CSGALNACT1: variants seen among roughly 807,000 people sequenced by gnomAD.
CSGALNACT1 encodes chondroitin sulfate N-acetylgalactosaminyltransferase 1, also known as beta4GalNAcT-1.
CSGALNACT1 carries 52 observed loss-of-function variants against 51.0 expected under a neutral mutation model. The observed-to-expected ratio is 1.02, with a 90% CI of 0.82 to 1.29. The LOEUF (loss-of-function observed/expected upper bound fraction) is 1.29, where lower values mean the gene tolerates loss of function less well. Ranked by LOEUF, CSGALNACT1 falls within the 50% of genes most tolerant of loss-of-function variation. The probability of loss-of-function intolerance (pLI) is 0.00; values close to 1 mark genes in which losing one functional copy is unlikely to be tolerated. For missense variants in CSGALNACT1, 935 were observed against 679.2 expected (o/e 1.38, Z -4.19); for synonymous variants, 341 against 254.4 (o/e 1.34, Z -3.24).
At chr8:19,485,467 T>C (rs1032831954) in intron 4 of CSGALNACT1, among the ~76,000 whole-genome samples, 2 of 152,128 alleles carry the variant, frequency 1.3e-5, no homozygotes, top group African/African-American at 4.8e-5. Flanking sequence ...CCCTGGAAGC[T>C]GAATTCAGGG....
chr8:19,635,528 A>T (rs1387606223), intron 1 of CSGALNACT1, among the ~76,000 whole-genome samples: 3 of 151,976 alleles, frequency 2.0e-5, no homozygotes, highest in Admixed American at 2.0e-4. Flanking sequence ...TCTGTGTCCA[A>T]CTTCCTTGTT....
chr8:19,664,591 A>C (rs1282650042), intron 1 of CSGALNACT1, among the ~76,000 whole-genome samples: 1 of 152,180 alleles, frequency 6.6e-6, no homozygotes, highest in Non-Finnish European at 1.5e-5. Flanking sequence ...GTATTCACCA[A>C]CGTATGCTTA....
At chr8:19,662,830 C>A (rs1201964962) in intron 1 of CSGALNACT1, among the ~76,000 whole-genome samples, 1 of 152,202 alleles carries the variant, frequency 6.6e-6, no homozygotes, top group Admixed American at 6.5e-5. Context: ...GGGGCACTAG[C>A]ACAGCTGTCC....
At position 19,656,520 on chromosome 8, in the gene CSGALNACT1, A is replaced by G. The variant is rs796642406; in HGVS notation, c.-544+25953T>C. Among the ~76,000 whole-genome samples, 8 of 152,028 alleles carry G rather than the reference A, an allele frequency of 5.3e-5. 1 individual carries two copies. The highest frequency in any genetic ancestry group is 1.9e-4 in the African/African-American group (8 of 41,452). Reference sequence around the variant, plus strand: ...CACAGGTAAATATTCAGGAAACTGAATTTACACTTAAAACACACACGTGTA... The same window carrying G: ...CACAGGTAAATATTCAGGAAACTGAGTTTACACTTAAAACACACACGTGTA... On this transcript the variant is annotated intron_variant, in intron 1 of 9. Coordinates refer to the CSGALNACT1 transcript ENST00000332246.
At chr8:19,581,456 A>G (rs2045552704) in intron 3 of CSGALNACT1, among the ~76,000 whole-genome samples, 1 of 152,228 alleles carries the variant, frequency 6.6e-6, no homozygotes, top group South Asian at 2.1e-4. Context: ...CAACATATTA[A>G]TTGTGAAACA....
chr8:19,748,889 C>T (rs965007089), intron 1 of CSGALNACT1, among the ~76,000 whole-genome samples: 4 of 151,486 alleles, frequency 2.6e-5, no homozygotes, highest in Non-Finnish European at 5.9e-5. Flanking sequence ...CGCTTGAACC[C>T]GGGAGGCAGA....
At chr8:19,610,870 C>T (rs2052153854) in intron 1 of CSGALNACT1, among the ~76,000 whole-genome samples, 1 of 152,222 alleles carries the variant, frequency 6.6e-6, no homozygotes, top group African/African-American at 2.4e-5. Context: ...TAACACAAGC[C>T]GCCTACAGAC....
intron 3 of CSGALNACT1, among the ~76,000 whole-genome samples, chr8:19,570,624 G>A (rs991503264): frequency 1.5e-4 from 23 of 152,284 alleles, no homozygotes; most frequent in Middle Eastern, 3.4e-3. Flanking sequence ...TGTACAGGCC[G>A]GGTTTGGCGG....
chr8:19,469,188 G>A (rs1012811973), intron 4 of CSGALNACT1, among the ~76,000 whole-genome samples: 8 of 152,104 alleles, frequency 5.3e-5, no homozygotes, highest in East Asian at 1.9e-4. Flanking sequence ...CCAAGAGTTC[G>A]AGAGCAGTCT....
chr8:19,649,818 G>GAAAAAAAAAAAAAAAAA (rs1564347327), intron 1 of CSGALNACT1, among the ~76,000 whole-genome samples: 3 of 1,554 alleles, frequency 1.9e-3, no homozygotes, highest in African/African-American at 6.4e-3. Flanking sequence ...ATTCCAAGTA[G>GAAAAAAAAAAAAAAAAA]CAAAAAAAAA....
rs2064703003 is a variant in CSGALNACT1 at position 19,458,755 on chromosome 8, T to C, written c.635-113A>G. ...TTTAAAAAGTGTTTAAGATGAAATC[T>C]CTCCAACAATTATTCGAAAATTCAA... On this transcript the variant is annotated intron_variant, in intron 4 of 9. Coordinates refer to ENST00000454498, the Ensembl canonical transcript of CSGALNACT1. The C allele has an allele frequency of 3.1e-6, 3 of 983,040 alleles. No homozygotes were observed. In the South Asian group the frequency reaches 4.2e-5, roughly 14 times the overall value. The allele number at this position is 983,040 out of a possible 1,614,324, so 60.9% of individuals were successfully genotyped here. A position where few individuals can be genotyped will look rare whatever the true frequency, so the allele number is the denominator to read the frequency against.
chr8:19,710,675 A>G (rs887452422), intron 1 of CSGALNACT1, among the ~76,000 whole-genome samples: 1 of 152,218 alleles, frequency 6.6e-6, no homozygotes, highest in Non-Finnish European at 1.5e-5. Flanking sequence ...ACATGTTTGA[A>G]GGGTAAAAAT....
chr8:19,732,888 G>C (rs890338342), intron 1 of CSGALNACT1, among the ~76,000 whole-genome samples: 1 of 152,152 alleles, frequency 6.6e-6, no homozygotes, highest in African/African-American at 2.4e-5. Flanking sequence ...GATGATAATG[G>C]ATATGTTGTT....
chr8:19,667,233 A>C (rs1232547309), intron 1 of CSGALNACT1, among the ~76,000 whole-genome samples: 2 of 150,704 alleles, frequency 1.3e-5, no homozygotes, highest in Non-Finnish European at 1.5e-5. Flanking sequence ...CCAGCCTGCC[A>C]AACATGGCGA....
At chr8:19,435,069 G>A (rs2060175748) in intron 6 of CSGALNACT1, among the ~76,000 whole-genome samples, 1 of 152,106 alleles carries the variant, frequency 6.6e-6, no homozygotes, top group South Asian at 2.1e-4. Context: ...CTCATTTCTA[G>A]CATCTCAATC....
At chr8:19,500,718 G>A (rs995089363) in intron 4 of CSGALNACT1, among the ~76,000 whole-genome samples, 4 of 152,210 alleles carry the variant, frequency 2.6e-5, no homozygotes, top group African/African-American at 9.6e-5. Context: ...CTGCTAATGT[G>A]TGTTTATAGC....
At chr8:19,752,433 G>A (rs1461322853) in intron 1 of CSGALNACT1, among the ~76,000 whole-genome samples, 1 of 152,150 alleles carries the variant, frequency 6.6e-6, no homozygotes, top group African/African-American at 2.4e-5. Flanking sequence ...GTGTACGTAT[G>A]TTGACCTATT....
At chr8:19,406,023 G>A (rs371393969) in exon 10 of CSGALNACT1, 2 of 1,614,076 alleles carry the variant, frequency 1.2e-6, no homozygotes, top group African/African-American at 1.3e-5. Context: ...TGCGATAAAG[G>A]TGCACATCCT....
intron 4 of CSGALNACT1, among the ~76,000 whole-genome samples, chr8:19,463,500 TG>T (rs1347878483): frequency 6.6e-6 from 1 of 152,094 alleles, no homozygotes; most frequent in Non-Finnish European, 1.5e-5. Context: ...AGAGCAAACT[TG>T]GGCATGGGGG....
Sources: allele counts gnomAD v4.1 joint callset (sites outside exome capture counted in the v4.1 genomes callset), GRCh38; gene constraint gnomAD v4.1.1; transcripts MANE v1.5; gene names NCBI Gene and HGNC (gene_info 2026-07-23, HGNC 2026-07-21).